Variants in FRMD5 observed in about 807,000 individuals in gnomAD.
FRMD5 encodes the protein FERM domain-containing protein 5.
In FRMD5, 20 loss-of-function variants were observed where a neutral mutation model predicts 69.0. The observed-to-expected ratio is 0.29, with a 90% CI of 0.20 to 0.42. FRMD5 has a LOEUF of 0.42. Ranked by LOEUF, FRMD5 falls within the 10% of genes least tolerant of loss-of-function variation. The pLI, the probability that FRMD5 is intolerant of heterozygous loss-of-function variation, is 1.00. For synonymous variants in FRMD5, 271 were observed against 260.1 expected (o/e 1.04, Z -0.40); for missense variants, 595 against 708.6 (o/e 0.84, Z 1.82).
At chr15:44,005,745 C>A (rs893226337) in intron 1 of FRMD5, among the ~76,000 whole-genome samples, 4 of 152,076 alleles carry the variant, frequency 2.6e-5, no homozygotes. Flanking sequence ...AAGAACAGCA[C>A]TAGGGGGATG....
chr15:44,093,493 G>C lies in FRMD5; in HGVS notation c.102+101460C>G, dbSNP rs886218470. 3.1e-4 allele frequency among the ~76,000 whole-genome samples: 47 copies of C among 152,002 alleles called. 1 individual carries two copies. The highest frequency in any genetic ancestry group is 2.9e-3 in the Admixed American group (45 of 15,256). ...GAGGCTAGTCAGGTGAAGAAGGGTA[G>C]AAATGACTACATCCATTAGATTATG... On this transcript the variant is annotated intron_variant, in intron 1 of 13. Transcript: ENST00000417257.
chr15:44,049,621 T>TGTTA (rs1037505053), intron 1 of FRMD5, among the ~76,000 whole-genome samples: 27 of 152,350 alleles, frequency 1.8e-4, no homozygotes, highest in Middle Eastern at 3.4e-3. Flanking sequence ...CATACAACAT[T>TGTTA]GTTAGAAGCA....
chr15:43,873,073 T>G lies in FRMD5; in HGVS notation c.*812A>C. On this transcript the variant is annotated 3_prime_UTR_variant, in exon 14 of 14. Transcript: ENST00000417257. ...CGCCCCTGGAGCACTATAAAAGTCT[T>G]GAGGTTCTTCGGAAAAAAAAAATCA... The G allele has an allele frequency of 9.1e-7, 1 of 1,096,436 alleles. No individual in the cohort carries two copies. Among genetic ancestry groups the G allele is most frequent in the Non-Finnish European group, 1.3e-6 (1 of 746,498 alleles). The allele number at this position is 1,096,436 out of a possible 1,614,324, so 67.9% of individuals were successfully genotyped here.
At chr15:44,072,818 G>A (rs974605395) in intron 1 of FRMD5, among the ~76,000 whole-genome samples, 2 of 152,092 alleles carry the variant, frequency 1.3e-5, no homozygotes, top group African/African-American at 4.8e-5. Context: ...CATTATCTAT[G>A]TTTTATACCT....
chr15:43,884,459 A>C (rs2088613430), intron 12 of FRMD5, among the ~76,000 whole-genome samples: 1 of 152,176 alleles, frequency 6.6e-6, no homozygotes, highest in Non-Finnish European at 1.5e-5. Context: ...GATCAGTGTC[A>C]AGACTAGGGA....
chr15:44,155,083 A>C (rs970536365), intron 1 of FRMD5, among the ~76,000 whole-genome samples: 4 of 152,232 alleles, frequency 2.6e-5, no homozygotes, highest in African/African-American at 9.6e-5. Flanking sequence ...AAAATATAAA[A>C]GATGGATAAT....
chr15:43,885,339 A>AT (rs1035586711), intron 11 of FRMD5, among the ~76,000 whole-genome samples: 8 of 151,716 alleles, frequency 5.3e-5, no homozygotes, highest in South Asian at 2.1e-4. Flanking sequence ...CACCCAGATA[A>AT]TTTTTTTTGT....
At chr15:44,106,525 T>C (rs575910072) in intron 1 of FRMD5, among the ~76,000 whole-genome samples, 1 of 152,282 alleles carries the variant, frequency 6.6e-6, no homozygotes, top group South Asian at 2.1e-4. Context: ...ATCCTTCACC[T>C]GCCTCATTCT....
chr15:43,960,896 A>G (rs1408415072), intron 1 of FRMD5, among the ~76,000 whole-genome samples: 1 of 152,222 alleles, frequency 6.6e-6, no homozygotes, highest in Non-Finnish European at 1.5e-5. Flanking sequence ...GTATTTGAAA[A>G]AAACCTAAAC....
intron 1 of FRMD5, among the ~76,000 whole-genome samples, chr15:43,964,500 C>CAAAAAAAAAA (rs59698503): frequency 7.7e-6 from 1 of 129,678 alleles, no homozygotes; most frequent in African/African-American, 2.9e-5. Flanking sequence ...AACAAACAAA[C>CAAAAAAAAAA]AAAAAAAAAA....
At chr15:43,912,904 G>T (rs141117685) in intron 4 of FRMD5, among the ~76,000 whole-genome samples, 2,189 of 151,548 alleles carry the variant, frequency 0.014, 59 homozygotes, top group African/African-American at 0.05. Flanking sequence ...GGTGGTGTCG[G>T]CGTGTAATCC....
chr15:44,036,216 G>A (rs1891903211), intron 1 of FRMD5, among the ~76,000 whole-genome samples: 1 of 152,096 alleles, frequency 6.6e-6, no homozygotes, highest in African/African-American at 2.4e-5. Flanking sequence ...TAGTGTCAGA[G>A]GATAAGGGCA....
chr15:44,005,750 G>T (rs1353025677), intron 1 of FRMD5, among the ~76,000 whole-genome samples: 1 of 151,992 alleles, frequency 6.6e-6, no homozygotes, highest in East Asian at 1.9e-4. Context: ...CAGCACTAGG[G>T]GGATGATGCT....
At chr15:43,959,535 G>A (rs752016951) in intron 1 of FRMD5, among the ~76,000 whole-genome samples, 42 of 152,322 alleles carry the variant, frequency 2.8e-4, no homozygotes, top group Middle Eastern at 3.4e-3. Flanking sequence ...GAAGTCAGGT[G>A]AGCACAATGA....
At chr15:44,010,400 CTT>C (rs5812260) in intron 1 of FRMD5, among the ~76,000 whole-genome samples, 2 of 139,926 alleles carry the variant, frequency 1.4e-5, no homozygotes, top group African/African-American at 5.2e-5. Context: ...TTTTCCTTTT[CTT>C]TTTTTTTTTT....
At chr15:44,193,260 C>A (rs1275318594) in intron 1 of FRMD5, among the ~76,000 whole-genome samples, 1 of 152,130 alleles carries the variant, frequency 6.6e-6, no homozygotes, top group African/African-American at 2.4e-5. Flanking sequence ...TCACATACCC[C>A]AAAAGTATTC....
intron 1 of FRMD5, among the ~76,000 whole-genome samples, chr15:44,090,766 T>C (rs984418180): frequency 1.3e-5 from 2 of 152,322 alleles, no homozygotes; most frequent in Non-Finnish European, 2.9e-5. Flanking sequence ...CTTCTGACAA[T>C]GTGCATGTTT....
Position 43,874,098 on chromosome 15 carries a change from A to G in FRMD5, c.1500T>C (p.Ser500=), listed in dbSNP as rs991980223. The change falls in exon 14 of 14, where the codon AGT becomes AGC. Residue 500 remains serine, a synonymous_variant. Coordinates refer to ENST00000417257, the MANE Select transcript of FRMD5 (RefSeq NM_032892.5). The part of the protein sequence containing the change: ...EEEQVNKFVL[S]VLRLLLVTMG... ...TGGTCACAAGGAGCAAACGGAGGAC[A>G]CTTAGAACAAACTTATTCACCTGTT... The G allele has an allele frequency of 6.2e-7, 1 of 1,614,138 alleles. No individual in the cohort carries two copies. The highest frequency in any genetic ancestry group is 1.3e-5 in the African/African-American group (1 of 74,948).
chr15:44,048,307 T>C (rs1217787555), intron 1 of FRMD5, among the ~76,000 whole-genome samples: 2 of 152,196 alleles, frequency 1.3e-5, no homozygotes, highest in African/African-American at 4.8e-5. Flanking sequence ...ATTTTCCCTA[T>C]GACTAATGAT....
Sources: allele counts gnomAD v4.1 joint callset (sites outside exome capture counted in the v4.1 genomes callset), GRCh38; gene constraint gnomAD v4.1.1; transcripts MANE v1.5; gene names NCBI Gene and HGNC (gene_info 2026-07-23, HGNC 2026-07-21).